LCLAT1: variants seen among roughly 807,000 people sequenced by gnomAD.
The protein encoded by LCLAT1 is lysocardiolipin acyltransferase 1, also known as 1-AGP acyltransferase 8.
A neutral mutation model predicts 30.7 loss-of-function variants in LCLAT1; 11 were observed. That is an observed-to-expected ratio of 0.36 (90% confidence interval 0.23 to 0.59). LCLAT1 has a LOEUF of 0.59. Among genes scored for constraint, LCLAT1 ranks in the 20% least tolerant of loss-of-function variants. LCLAT1 has a pLI of 0.77. For synonymous variants in LCLAT1, 155 were observed against 151.3 expected (o/e 1.02, Z -0.18); for missense variants, 402 against 458.6 (o/e 0.88, Z 1.13).
At chr2:30,533,057 A>C in intron 2 of LCLAT1, 59 bp from the exon 3 acceptor site, 2 of 1,221,900 alleles carry the variant, frequency 1.6e-6, no homozygotes, top group Non-Finnish European at 2.4e-6. Context: ...GGGCATGATA[A>C]AATTTACCTA....
At chr2:30,577,987 G>A (rs1003411474) in intron 5 of LCLAT1, among the ~76,000 whole-genome samples, 2 of 151,994 alleles carry the variant, frequency 1.3e-5, no homozygotes, top group Non-Finnish European at 2.9e-5. Flanking sequence ...ATGGGTATTT[G>A]TAAACTTTTA....
At chr2:30,630,736 A>C (rs1051347734) in intron 5 of LCLAT1, among the ~76,000 whole-genome samples, 1 of 152,200 alleles carries the variant, frequency 6.6e-6, no homozygotes, top group Admixed American at 6.5e-5. Context: ...ATTTCTCAGC[A>C]TTGGCTTTTT....
intron 1 of LCLAT1, among the ~76,000 whole-genome samples, chr2:30,450,444 T>G (rs1329827169): frequency 6.6e-6 from 1 of 152,208 alleles, no homozygotes; most frequent in African/African-American, 2.4e-5. Flanking sequence ...CAGTGGGAAC[T>G]GTAGAAGGAT....
intron 5 of LCLAT1, among the ~76,000 whole-genome samples, chr2:30,625,325 G>A (rs936022284): frequency 3.3e-5 from 5 of 152,028 alleles, no homozygotes; most frequent in Non-Finnish European, 5.9e-5. Flanking sequence ...AATAAAATTG[G>A]TAGACCATTA....
rs144578092 is a variant in LCLAT1, at chr2:30,447,945, G to C, written c.-5+562G>C. ...TGCCAGAGTGGCAGTGCCGCGAAAA[G>C]AAAGGTAGGCCCTAGCCAGGGCGGA... On this transcript the variant is annotated intron_variant, in intron 1 of 5. Coordinates refer to ENST00000379509, the MANE Select transcript of LCLAT1 (RefSeq NM_001002257.3). Among the ~76,000 whole-genome samples the C allele has an allele frequency of 6.9e-3, 1,056 of 152,332 alleles. 11 individuals are homozygous for C. The highest frequency in any genetic ancestry group is 0.024 in the African/African-American group (1,002 of 41,544).
intron 1 of LCLAT1, among the ~76,000 whole-genome samples, chr2:30,473,618 A>T (rs2148296067): frequency 6.6e-6 from 1 of 152,342 alleles, no homozygotes; most frequent in South Asian, 2.1e-4. Flanking sequence ...ATAGATGAAC[A>T]TGGATGCGTT....
intron 1 of LCLAT1, among the ~76,000 whole-genome samples, chr2:30,514,448 A>G (rs755228094): frequency 6.6e-6 from 1 of 152,238 alleles, no homozygotes; most frequent in Admixed American, 6.5e-5. Flanking sequence ...TGCAGTGTTC[A>G]CAATTCAGTT....
intron 5 of LCLAT1, among the ~76,000 whole-genome samples, chr2:30,574,837 A>C (rs970016930): frequency 6.6e-6 from 1 of 152,174 alleles, no homozygotes; most frequent in Non-Finnish European, 1.5e-5. Context: ...GACTAAGGGA[A>C]ATTGAAGAGC....
At chr2:30,499,804 T>C (rs1684283623) in intron 1 of LCLAT1, among the ~76,000 whole-genome samples, 1 of 152,344 alleles carries the variant, frequency 6.6e-6, no homozygotes, top group South Asian at 2.1e-4. Flanking sequence ...GCCTTCATGA[T>C]ATTTTATTAC....
rs1253537336 is a variant in LCLAT1 at position 30,591,612 on chromosome 2, A to G, written c.628+23436A>G. 2.0e-5 allele frequency among the ~76,000 whole-genome samples: 3 copies of G among 152,194 alleles called. No homozygotes were observed. In the South Asian group the frequency reaches 6.2e-4, roughly 31 times the overall value. On this transcript the variant is annotated intron_variant, in intron 5 of 5. Coordinates refer to ENST00000379509, the MANE Select transcript of LCLAT1 (RefSeq NM_001002257.3). ...TGTGTGTTATATTACTGATAGAATA[A>G]TCATTCCTACAAAGTTTTATTGACC... is the stretch of plus-strand genomic sequence containing the variant.
intron 5 of LCLAT1, among the ~76,000 whole-genome samples, chr2:30,585,049 A>G (rs192295693): frequency 3.3e-5 from 5 of 151,550 alleles, no homozygotes; most frequent in East Asian, 3.9e-4. Context: ...TACAGTCTCT[A>G]TGGGGTAAAT....
At chr2:30,449,725 C>T (rs1016750525) in intron 1 of LCLAT1, among the ~76,000 whole-genome samples, 5 of 152,086 alleles carry the variant, frequency 3.3e-5, no homozygotes, top group Non-Finnish European at 1.5e-5. Context: ...GTCTTGAGCT[C>T]CCGACCTCAG....
chr2:30,505,165 T>C (rs1408206466), intron 1 of LCLAT1, among the ~76,000 whole-genome samples: 1 of 152,138 alleles, frequency 6.6e-6, no homozygotes, highest in East Asian at 1.9e-4. Flanking sequence ...GTACATTCAG[T>C]TGAATATTTC....
intron 1 of LCLAT1, among the ~76,000 whole-genome samples, chr2:30,477,084 A>T (rs1425778498): frequency 6.6e-6 from 1 of 152,128 alleles, no homozygotes. Context: ...CCATTCTTTG[A>T]TGTTTAGTGA....
intron 5 of LCLAT1, among the ~76,000 whole-genome samples, chr2:30,621,471 T>C (rs1422461158): frequency 1.3e-5 from 2 of 152,078 alleles, no homozygotes; most frequent in African/African-American, 4.8e-5. Flanking sequence ...CCGACTTGGA[T>C]GGACAGAGCA....
chr2:30,470,915 CTTT>C (rs35399245), intron 1 of LCLAT1, among the ~76,000 whole-genome samples: 5 of 135,750 alleles, frequency 3.7e-5, no homozygotes, highest in Non-Finnish European at 6.4e-5. Flanking sequence ...TTTATTCATT[CTTT>C]TTTTTTTTTT....
intron 3 of LCLAT1, among the ~76,000 whole-genome samples, chr2:30,547,549 G>C (rs1182317589): frequency 6.6e-6 from 1 of 152,124 alleles, no homozygotes; most frequent in Non-Finnish European, 1.5e-5. Context: ...ATGGGAGTCT[G>C]TTGGAGTCTC....
At chr2:30,609,945 T>TTATTAAACTCTTTATTGATACTTTTGA (rs1357009209) in intron 5 of LCLAT1, among the ~76,000 whole-genome samples, 4 of 152,118 alleles carry the variant, frequency 2.6e-5, no homozygotes, top group African/African-American at 9.7e-5. Context: ...TAGTGAGCAA[T>TTATTAAACTCTTTATTGATACTTTTGA]TATTAAACTC....
chr2:30,628,349 C>T (rs1040839224), intron 5 of LCLAT1, among the ~76,000 whole-genome samples: 4 of 152,162 alleles, frequency 2.6e-5, no homozygotes, highest in Non-Finnish European at 5.9e-5. Context: ...TCTTCCAAAA[C>T]TGTTATGTAA....
Sources: allele counts gnomAD v4.1 joint callset (sites outside exome capture counted in the v4.1 genomes callset), GRCh38; gene constraint gnomAD v4.1.1; transcripts MANE v1.5; gene names NCBI Gene and HGNC (gene_info 2026-07-23, HGNC 2026-07-21).